BANK1: variants seen among roughly 807,000 people sequenced by gnomAD.
BANK1 encodes B cell scaffold protein with ankyrin repeats 1.
BANK1 carries 95 observed loss-of-function variants against 94.5 expected under a neutral mutation model. The observed-to-expected ratio is 1.00, with a 90% CI of 0.85 to 1.19. The LOEUF is 1.19. Ranked by LOEUF, BANK1 falls within the 50% of genes most tolerant of loss-of-function variation. BANK1 has a pLI of 0.00. For synonymous variants in BANK1, 334 were observed against 308.4 expected (o/e 1.08, Z -0.87); for missense variants, 987 against 932.2 (o/e 1.06, Z -0.77).
chr4:101,961,145 A>G lies in BANK1; in HGVS notation c.1206+42956A>G, dbSNP rs147022185. Among the ~76,000 whole-genome samples the G allele has an allele frequency of 8.6e-4, 131 of 152,346 alleles. 1 individual carries two copies. Among genetic ancestry groups the G allele is most frequent in the African/African-American group, 3.0e-3 (124 of 41,590 alleles). ...CCAGTAAATGCAAATAAAAGTATTG[A>G]GTGGAAGATATCCAGAGATGAAGCT... On this transcript the variant is annotated intron_variant, in intron 7 of 16. Transcript: ENST00000322953.
intron 15 of BANK1, among the ~76,000 whole-genome samples, chr4:102,073,179 C>A (rs1728812615): frequency 6.6e-6 from 1 of 151,328 alleles, no homozygotes; most frequent in Non-Finnish European, 1.5e-5. Context: ...CGAATTGAAG[C>A]AGTTGCATTT....
intron 9 of BANK1, among the ~76,000 whole-genome samples, chr4:102,027,734 G>A (rs1194518153): frequency 6.6e-6 from 1 of 151,184 alleles, no homozygotes; most frequent in Non-Finnish European, 1.5e-5. Flanking sequence ...TGGATTTACG[G>A]ACTTCTTCAT....
chr4:102,009,028 A>G (rs1726398788), intron 7 of BANK1, among the ~76,000 whole-genome samples: 1 of 152,192 alleles, frequency 6.6e-6, no homozygotes, highest in Non-Finnish European at 1.5e-5. Context: ...TGGCATCCAT[A>G]TGACATGGTT....
intron 7 of BANK1, among the ~76,000 whole-genome samples, chr4:102,005,434 T>C (rs1726227787): frequency 6.6e-6 from 1 of 152,096 alleles, no homozygotes; most frequent in African/African-American, 2.4e-5. Context: ...AATCATTAAT[T>C]CCAAAGGTTC....
chr4:101,978,460 T>G (rs1396309332), intron 7 of BANK1, among the ~76,000 whole-genome samples: 1 of 152,082 alleles, frequency 6.6e-6, no homozygotes, highest in Admixed American at 6.6e-5. Flanking sequence ...CAATAAACAT[T>G]AGTTGCTATT....
intron 7 of BANK1, among the ~76,000 whole-genome samples, chr4:102,016,866 A>C (rs752024315): frequency 6.6e-5 from 10 of 152,258 alleles, no homozygotes; most frequent in Non-Finnish European, 1.0e-4. Flanking sequence ...TAGAGATATA[A>C]ATTAAGGGCA....
At chr4:102,001,639 A>G (rs1726078855) in intron 7 of BANK1, among the ~76,000 whole-genome samples, 2 of 152,218 alleles carry the variant, frequency 1.3e-5, no homozygotes, top group African/African-American at 4.8e-5. Context: ...AATGAAAAAA[A>G]TTAAAAATCA....
chr4:101,809,069 T>G (rs1725656398), intron 1 of BANK1, among the ~76,000 whole-genome samples: 1 of 152,148 alleles, frequency 6.6e-6, no homozygotes, highest in East Asian at 1.9e-4. Flanking sequence ...GCAGCACAAT[T>G]TGCAATTGCA....
chr4:101,955,518 T>G (rs1462570266), intron 7 of BANK1, among the ~76,000 whole-genome samples: 1 of 152,168 alleles, frequency 6.6e-6, no homozygotes, highest in Non-Finnish European at 1.5e-5. Context: ...TAAGTTGTTA[T>G]TCCATCATAT....
At chr4:101,919,159 T>A (rs1450885269) in intron 7 of BANK1, among the ~76,000 whole-genome samples, 1 of 151,980 alleles carries the variant, frequency 6.6e-6, no homozygotes, top group Non-Finnish European at 1.5e-5. Flanking sequence ...GGTAAGTCAG[T>A]AAGTCAATTC....
intron 1 of BANK1, among the ~76,000 whole-genome samples, chr4:101,828,630 G>A (rs1726473906): frequency 1.3e-5 from 2 of 151,890 alleles, no homozygotes; most frequent in South Asian, 4.1e-4. Flanking sequence ...CATGTTGCAT[G>A]TAGCATTGTT....
chr4:101,870,908 G>A (rs1228147432), intron 5 of BANK1, among the ~76,000 whole-genome samples: 1 of 151,980 alleles, frequency 6.6e-6, no homozygotes, highest in Non-Finnish European at 1.5e-5. Context: ...TTTTAAAGCT[G>A]TTACAAGCAG....
chr4:102,007,138 A>AAAT (rs1560682248), intron 7 of BANK1, among the ~76,000 whole-genome samples: 11 of 31,290 alleles, frequency 3.5e-4, no homozygotes, highest in African/African-American at 1.3e-3. Flanking sequence ...ATATATAAAA[A>AAAT]ATATATTTTA....
intron 7 of BANK1, among the ~76,000 whole-genome samples, chr4:102,016,884 G>A (rs1726720925): frequency 6.6e-6 from 1 of 152,054 alleles, no homozygotes; most frequent in Non-Finnish European, 1.5e-5. Context: ...GCAGCAGAGA[G>A]GATAAGATGA....
At position 101,803,997 on chromosome 4, in the gene BANK1, C is replaced by CAA. The variant is rs55704915; in HGVS notation, c.70+13074_70+13075dup. ...TGGGCGACAGAGCGAGACTCCGTCT[C>CAA]AAAAAAAAAAAAAAAAAAAAAAAAA... On this transcript the variant is annotated intron_variant, in intron 1 of 16. Transcript: ENST00000322953. 1.4e-3 allele frequency among the ~76,000 whole-genome samples: 98 copies of CAA among 68,384 alleles called. 6 individuals are homozygous for CAA. The highest frequency in any genetic ancestry group is 5.2e-3 in the African/African-American group (79 of 15,078). 44.9% of individuals were successfully genotyped at this position (68,384 alleles called of 152,430 possible). A position where few individuals can be genotyped will look rare whatever the true frequency, so the allele number is the denominator to read the frequency against.
At chr4:102,014,330 A>G (rs1030494679) in intron 7 of BANK1, among the ~76,000 whole-genome samples, 3 of 152,076 alleles carry the variant, frequency 2.0e-5, no homozygotes, top group Admixed American at 1.3e-4. Flanking sequence ...TGGCCTGCTC[A>G]ACTTTGCTTT....
intron 7 of BANK1, among the ~76,000 whole-genome samples, chr4:101,951,957 C>T (rs563478927): frequency 6.6e-6 from 1 of 152,052 alleles, no homozygotes; most frequent in African/African-American, 2.4e-5. Flanking sequence ...AAGCAAATGG[C>T]CACATGCTGT....
chr4:101,926,181 C>T (rs1012647480), intron 7 of BANK1, among the ~76,000 whole-genome samples: 1 of 151,500 alleles, frequency 6.6e-6, no homozygotes, highest in Admixed American at 6.6e-5. Flanking sequence ...ACTTTAAATT[C>T]ATGTAAAGGC....
intron 5 of BANK1, among the ~76,000 whole-genome samples, chr4:101,877,491 T>C (rs1462899214): frequency 1.3e-5 from 2 of 152,190 alleles, no homozygotes; most frequent in Admixed American, 6.5e-5. Flanking sequence ...AGACATAGTC[T>C]AATAAGATAT....
Sources: allele counts gnomAD v4.1 joint callset (sites outside exome capture counted in the v4.1 genomes callset), GRCh38; gene constraint gnomAD v4.1.1; transcripts MANE v1.5; gene names NCBI Gene and HGNC (gene_info 2026-07-23, HGNC 2026-07-21).